Variants in NTN4 observed in about 807,000 individuals in gnomAD.
The protein encoded by NTN4 is netrin 4, also known as netrin-4.
A neutral mutation model predicts 73.6 loss-of-function variants in NTN4; 32 were observed. That is an observed-to-expected ratio of 0.44 (90% CI 0.33 to 0.58). The LOEUF (loss-of-function observed/expected upper bound fraction) is 0.58. NTN4 is among the 20% of genes least tolerant of loss of function. The probability of loss-of-function intolerance (pLI) is 0.04; values close to 1 mark genes in which losing one functional copy is unlikely to be tolerated. For missense variants in NTN4, 654 were observed against 798.3 expected, an observed-to-expected ratio of 0.82 and a Z score of 2.18; for synonymous variants, 258 against 287.5, an observed-to-expected ratio of 0.90 and a Z score of 1.04.
At chr12:95,742,763 T>C (rs1169747138) in intron 2 of NTN4, among the ~76,000 whole-genome samples, 2 of 152,230 alleles carry the variant, frequency 1.3e-5, no homozygotes, top group Admixed American at 1.3e-4. Flanking sequence ...GGATCCTGTT[T>C]GTCTGGTTCA....
At chr12:95,682,456 T>C (rs1159044892) in intron 7 of NTN4, among the ~76,000 whole-genome samples, 1 of 150,902 alleles carries the variant, frequency 6.6e-6, no homozygotes, top group East Asian at 1.9e-4. Flanking sequence ...ATGTTTTGCA[T>C]TTTCCAAATT....
intron 5 of NTN4, among the ~76,000 whole-genome samples, chr12:95,686,550 G>C (rs936604993): frequency 1.3e-5 from 2 of 151,902 alleles, no homozygotes; most frequent in Non-Finnish European, 2.9e-5. Flanking sequence ...CTTGAGGTCA[G>C]GAGATCGAGG....
intron 3 of NTN4, among the ~76,000 whole-genome samples, chr12:95,737,403 G>C (rs1432460944): frequency 7.0e-6 from 1 of 142,196 alleles, no homozygotes; most frequent in African/African-American, 2.5e-5. Flanking sequence ...CTTAGGTGAA[G>C]AGGGGGTCAG....
chr12:95,724,342 C>A (rs1223267226), intron 3 of NTN4, among the ~76,000 whole-genome samples: 1 of 152,092 alleles, frequency 6.6e-6, no homozygotes, highest in Non-Finnish European at 1.5e-5. Context: ...GTTTCTTATT[C>A]TTTGTTTCCA....
intron 3 of NTN4, among the ~76,000 whole-genome samples, chr12:95,728,899 T>G (rs1488534161): frequency 6.6e-6 from 1 of 152,132 alleles, no homozygotes; most frequent in African/African-American, 2.4e-5. Context: ...GTGATCTGGT[T>G]GTTTAAAAGT....
chr12:95,667,096 G>T (rs559919092), intron 8 of NTN4, among the ~76,000 whole-genome samples: 1 of 152,256 alleles, frequency 6.6e-6, no homozygotes, highest in African/African-American at 2.4e-5. Context: ...AATTGATATG[G>T]CTGGGGATTA....
intron 3 of NTN4, among the ~76,000 whole-genome samples, chr12:95,736,664 T>C (rs1268885015): frequency 1.3e-5 from 2 of 152,230 alleles, no homozygotes; most frequent in African/African-American, 4.8e-5. Flanking sequence ...ATTTCAAAGA[T>C]CCATCAGTGT....
chr12:95,767,022 T>C (rs1341418277), intron 2 of NTN4, among the ~76,000 whole-genome samples: 3 of 152,224 alleles, frequency 2.0e-5, no homozygotes, highest in African/African-American at 7.2e-5. Flanking sequence ...CTGAGTTTTC[T>C]TTCTTAAACA....
intron 3 of NTN4, among the ~76,000 whole-genome samples, chr12:95,732,844 C>A (rs751303568): frequency 6.6e-6 from 1 of 152,182 alleles, no homozygotes; most frequent in Non-Finnish European, 1.5e-5. Flanking sequence ...AACATAAATA[C>A]ATGAATGAAT....
At chr12:95,682,567 T>G in intron 7 of NTN4, 140 bp downstream of exon 7, 1 of 532,834 alleles carries the variant, frequency 1.9e-6, no homozygotes, top group Non-Finnish European at 3.4e-6. Context: ...CTTACAGGAG[T>G]CACTACTTTA....
chr12:95,751,993 T>C (rs1028627071), intron 2 of NTN4, among the ~76,000 whole-genome samples: 6 of 151,128 alleles, frequency 4.0e-5, no homozygotes, highest in South Asian at 2.1e-4. Flanking sequence ...ACTACAGCTA[T>C]ATCTCATTGC....
intron 5 of NTN4, among the ~76,000 whole-genome samples, chr12:95,701,246 G>C (rs1006172133): frequency 2.6e-5 from 4 of 152,140 alleles, no homozygotes; most frequent in African/African-American, 9.7e-5. Context: ...AGAGAGATGA[G>C]ATTCCTCAAA....
intron 2 of NTN4, among the ~76,000 whole-genome samples, chr12:95,786,034 C>G (rs1463546026): frequency 6.6e-6 from 1 of 152,066 alleles, no homozygotes; most frequent in East Asian, 1.9e-4. Flanking sequence ...TCCAAGTGTC[C>G]CAATGTCCCC....
intron 5 of NTN4, among the ~76,000 whole-genome samples, chr12:95,709,039 T>C (rs1040121184): frequency 6.6e-6 from 1 of 152,338 alleles, no homozygotes; most frequent in South Asian, 2.1e-4. Context: ...AGCAGTACTA[T>C]ATTTTATCTG....
At chr12:95,740,408 T>C (rs1478259689) in intron 2 of NTN4, among the ~76,000 whole-genome samples, 2 of 152,168 alleles carry the variant, frequency 1.3e-5, no homozygotes, top group Non-Finnish European at 2.9e-5. Flanking sequence ...AATGTATCTA[T>C]AGGCCCATCA....
At chr12:95,746,495 G>A (rs961682845) in intron 2 of NTN4, among the ~76,000 whole-genome samples, 2 of 152,088 alleles carry the variant, frequency 1.3e-5, no homozygotes, top group African/African-American at 2.4e-5. Context: ...CTAAATAAAC[G>A]GACTCTTAAT....
intron 3 of NTN4, among the ~76,000 whole-genome samples, chr12:95,734,263 A>T (rs988289742): frequency 1.1e-4 from 17 of 152,172 alleles, no homozygotes; most frequent in African/African-American, 3.6e-4. Context: ...TAGCAACAAT[A>T]TTAGCCACAG....
intron 2 of NTN4, among the ~76,000 whole-genome samples, chr12:95,748,476 C>CTTTTTTTT (rs762351453): frequency 4.7e-5 from 5 of 105,946 alleles, no homozygotes; most frequent in African/African-American, 1.8e-4. Context: ...ATTTTCTTTT[C>CTTTTTTTT]TTTTTTTTTT....
At position 95,789,290 on chromosome 12, in the gene NTN4, C is replaced by T. The variant is rs946249931; in HGVS notation, c.55+965G>A. On this transcript the variant is annotated intron_variant, in intron 1 of 9. Transcript: ENST00000343702. The surrounding 1 kb of genome is among the most constrained non-coding windows in gnomAD (Gnocchi z 4.0). ...GGAAGCCCAAGGGAGGAGATGCGTG[C>T]TACAATGTTCTGTAGCCACCAGCGC... Among the ~76,000 whole-genome samples the T allele has an allele frequency of 6.6e-6, 1 of 152,186 alleles. No homozygotes were observed. The highest frequency in any genetic ancestry group is 1.5e-5 in the Non-Finnish European group (1 of 68,034).
Sources: gnomAD v4.1 joint callset for allele counts (sites outside exome capture counted in the v4.1 genomes callset) on GRCh38, gnomAD v4.1.1 for gene constraint, Gnocchi (gnomAD v3.1) non-coding constraint, MANE v1.5 for transcripts, NCBI Gene and HGNC (gene_info 2026-07-23, HGNC 2026-07-21) for gene names.